Variants in ZSCAN5A observed in about 807,000 individuals in gnomAD.
The protein encoded by ZSCAN5A is zinc finger and SCAN domain containing 5A, also known as zinc finger and SCAN domain-containing protein 5A.
ZSCAN5A carries 12 observed loss-of-function variants against 23.7 expected under a neutral mutation model. The observed-to-expected ratio is 0.51, with a 90% CI of 0.32 to 0.82. The LOEUF (loss-of-function observed/expected upper bound fraction) is 0.82, where lower values mean the gene tolerates loss of function less well. ZSCAN5A is among the 40% of genes least tolerant of loss of function. The probability of loss-of-function intolerance (pLI) is 0.03; values close to 1 mark genes in which losing one functional copy is unlikely to be tolerated. For synonymous variants in ZSCAN5A, 257 were observed against 239.9 expected, an observed-to-expected ratio of 1.07 and a Z score of -0.66; for missense variants, 597 against 617.9, an observed-to-expected ratio of 0.97 and a Z score of 0.36.
chr19:56,256,858 G>A (rs1031572287), intron 2 of ZSCAN5A, among the ~76,000 whole-genome samples: 2 of 152,100 alleles, frequency 1.3e-5, no homozygotes, highest in Non-Finnish European at 1.5e-5. Flanking sequence ...GGAAAAATCC[G>A]GAGCCACCTG....
chr19:56,328,994 CAAAA>C (rs61646242), intron 2 of ZSCAN5A, among the ~76,000 whole-genome samples: 7 of 106,376 alleles, frequency 6.6e-5, no homozygotes, highest in African/African-American at 1.8e-4. Flanking sequence ...GACTCCGTCT[CAAAA>C]AAAAAAAAAA....
At chr19:56,265,015 G>A (rs1313868500) in intron 2 of ZSCAN5A, among the ~76,000 whole-genome samples, 7 of 152,034 alleles carry the variant, frequency 4.6e-5, no homozygotes, top group African/African-American at 1.4e-4. Context: ...CCAGCTACTC[G>A]GGAGGCTGAG....
At chr19:56,327,517 A>G (rs888679171) in intron 2 of ZSCAN5A, among the ~76,000 whole-genome samples, 5 of 150,736 alleles carry the variant, frequency 3.3e-5, no homozygotes, top group Non-Finnish European at 5.9e-5. Context: ...TGTATACCAT[A>G]TAAGTCATAC....
chr19:56,309,423 C>T (rs1344930333), intron 2 of ZSCAN5A, among the ~76,000 whole-genome samples: 4 of 152,250 alleles, frequency 2.6e-5, no homozygotes, highest in East Asian at 3.9e-4. Flanking sequence ...AAATTGTGCC[C>T]TTTCAAAATG....
At chr19:56,247,194 C>T (rs752459413) in intron 2 of ZSCAN5A, 4 of 526,486 alleles carry the variant, frequency 7.6e-6, no homozygotes, top group Non-Finnish European at 1.4e-5. Context: ...ACCTCCGCGT[C>T]CACCAGCGAA....
intron 2 of ZSCAN5A, among the ~76,000 whole-genome samples, chr19:56,346,783 A>C (rs562656022): frequency 4.6e-5 from 7 of 151,522 alleles, no homozygotes; most frequent in Non-Finnish European, 8.8e-5. Flanking sequence ...ATCTCTGCTC[A>C]CTGCAAGCTC....
intron 2 of ZSCAN5A, among the ~76,000 whole-genome samples, chr19:56,289,292 G>A (rs1398045400): frequency 1.3e-5 from 2 of 151,990 alleles, no homozygotes; most frequent in Non-Finnish European, 2.9e-5. Context: ...TTTTTTATTT[G>A]GTGTAGAAAT....
At chr19:56,329,135 G>T (rs145938814) in intron 2 of ZSCAN5A, among the ~76,000 whole-genome samples, 1 of 152,098 alleles carries the variant, frequency 6.6e-6, no homozygotes. Context: ...GATCAGTTGA[G>T]GCCAGAAGTA....
chr19:56,321,233 A>G (rs2041372304), intron 2 of ZSCAN5A: 1 of 670,606 alleles, frequency 1.5e-6, no homozygotes, highest in Non-Finnish European at 2.8e-6. Flanking sequence ...GATGGTGTGT[A>G]ATATCAGTTG....
intron 2 of ZSCAN5A, among the ~76,000 whole-genome samples, chr19:56,248,576 T>C (rs1394392888): frequency 4.6e-5 from 7 of 152,102 alleles, no homozygotes; most frequent in Non-Finnish European, 1.0e-4. Context: ...TAGGCTTTAT[T>C]AGTATTATTT....
chr19:56,292,365 C>T (rs1054040937), intron 2 of ZSCAN5A, among the ~76,000 whole-genome samples: 2 of 152,058 alleles, frequency 1.3e-5, no homozygotes, highest in African/African-American at 4.8e-5. Flanking sequence ...TGGGCTCAAG[C>T]GATCCTTCTT....
chr19:56,304,177 C>T (rs1049230511), intron 2 of ZSCAN5A, among the ~76,000 whole-genome samples: 1 of 152,154 alleles, frequency 6.6e-6, no homozygotes, highest in Admixed American at 6.5e-5. Flanking sequence ...AGAGGAGGCC[C>T]GACCAGCCAG....
intron 2 of ZSCAN5A, among the ~76,000 whole-genome samples, chr19:56,297,233 A>T (rs1368841949): frequency 1.3e-5 from 2 of 152,126 alleles, no homozygotes; most frequent in Non-Finnish European, 2.9e-5. Flanking sequence ...GGATCCAGGG[A>T]CACAGGGAGA....
At chr19:56,274,478 A>C (rs1008653987) in intron 2 of ZSCAN5A, 5 of 151,984 alleles carry the variant, frequency 3.3e-5, no homozygotes, top group Admixed American at 1.3e-4. Context: ...AAAAAAAAAA[A>C]AACTCTGTAG....
chr19:56,253,835 C>T (rs1359280688), intron 2 of ZSCAN5A, among the ~76,000 whole-genome samples: 4 of 152,064 alleles, frequency 2.6e-5, no homozygotes, highest in African/African-American at 7.2e-5. Flanking sequence ...GTGTCTAAGC[C>T]GGTGCCACTA....
upstream of ZSCAN5A, among the ~76,000 whole-genome samples, chr19:56,318,970 C>T (rs1468452203): frequency 6.6e-6 from 1 of 152,154 alleles, no homozygotes; most frequent in Admixed American, 6.5e-5. Flanking sequence ...CTCTCTAGCA[C>T]AGATGGGGGT....
intron 2 of ZSCAN5A, chr19:56,320,752 AAT>A (rs1398020028): frequency 9.7e-6 from 12 of 1,233,122 alleles, no homozygotes; most frequent in Admixed American, 6.7e-5. Context: ...GTACTCCAAC[AAT>A]AGGCCACCTT....
At chr19:56,274,948 A>AT (rs1469783365) in intron 2 of ZSCAN5A, 1 of 152,102 alleles carries the variant, frequency 6.6e-6, no homozygotes, top group Non-Finnish European at 1.5e-5. Context: ...GTTTTGCAGA[A>AT]TTTCTCTCAA....
At chr19:56,248,134 G>A (rs1316326048) in intron 2 of ZSCAN5A, among the ~76,000 whole-genome samples, 1 of 141,706 alleles carries the variant, frequency 7.1e-6, no homozygotes. Context: ...CACAATGCCT[G>A]GGGAAATCTG....
Sources: gnomAD v4.1 joint callset for allele counts (sites outside exome capture counted in the v4.1 genomes callset) on GRCh38, gnomAD v4.1.1 for gene constraint, MANE v1.5 for transcripts, NCBI Gene and HGNC (gene_info 2026-07-23, HGNC 2026-07-21) for gene names.